PSAP: variants seen among roughly 807,000 people sequenced by gnomAD.
PSAP encodes the protein prosaposin, also known as precursor of saposins.
In PSAP, 25 loss-of-function variants were observed where a neutral mutation model predicts 66.0. The ratio of observed to expected loss-of-function variants is 0.38; its 90% confidence interval spans 0.28 to 0.53. The LOEUF is 0.53. PSAP is among the 20% of genes least tolerant of loss of function. The pLI is 0.83. For missense variants in PSAP, 649 were observed against 668.8 expected (o/e 0.97, Z 0.33); for synonymous variants, 273 against 258.9 (o/e 1.05, Z -0.52).
At chr10:71,828,779 C>T (rs111244643) in intron 5 of PSAP, 98 bp downstream of exon 5, 32 of 1,344,362 alleles carry the variant, frequency 2.4e-5, no homozygotes, top group Non-Finnish European at 3.3e-5. Context: ...CAGGGATAAG[C>T]CCCAGTTTAA....
At chr10:71,848,488 C>T (rs953800524) in intron 1 of PSAP, among the ~76,000 whole-genome samples, 13 of 152,142 alleles carry the variant, frequency 8.5e-5, no homozygotes, top group African/African-American at 3.1e-4. Flanking sequence ...AGATTACATG[C>T]TCTCCAATTC....
chr10:71,829,122 G>A (rs1842461351), intron 4 of PSAP, 45 bp from the exon 5 acceptor site: 6 of 1,569,674 alleles, frequency 3.8e-6, no homozygotes, highest in Admixed American at 1.7e-5. Context: ...TCTCCCCAGG[G>A]GAAAATAAGA....
intron 3 of PSAP, 61 bp from the exon 4 acceptor site, chr10:71,831,312 T>C: frequency 6.2e-7 from 1 of 1,600,066 alleles, no homozygotes; most frequent in Non-Finnish European, 8.5e-7. Flanking sequence ...ATAAATGGGC[T>C]GAAGGCAAGA....
chr10:71,836,251 T>G (rs1347498846), intron 1 of PSAP, among the ~76,000 whole-genome samples: 1 of 152,104 alleles, frequency 6.6e-6, no homozygotes, highest in Non-Finnish European at 1.5e-5. Flanking sequence ...ATGTGCCAGA[T>G]GCAAATCAGT....
intron 1 of PSAP, among the ~76,000 whole-genome samples, chr10:71,849,408 G>A (rs1364071453): frequency 4.6e-5 from 7 of 152,150 alleles, no homozygotes; most frequent in Non-Finnish European, 7.4e-5. Flanking sequence ...ATGGCAGCCA[G>A]CCCTTAAACT....
intron 6 of PSAP, 137 bp from the exon 7 acceptor site, chr10:71,826,030 T>G (rs1453639911): frequency 2.7e-6 from 2 of 739,676 alleles, no homozygotes; most frequent in Non-Finnish European, 4.8e-6. Flanking sequence ...ATTTTATGAA[T>G]GTCTGCTCTG....
chr10:71,826,743 G>GAAA (rs56279127), intron 6 of PSAP, among the ~76,000 whole-genome samples: 4 of 144,558 alleles, frequency 2.8e-5, no homozygotes, highest in Admixed American at 6.9e-5. Context: ...CCTGTCTCAA[G>GAAA]AAAAAAAAAA....
chr10:71,818,828 G>T (rs1842231661), intron 12 of PSAP, 104 bp from the exon 13 acceptor site: 2 of 1,083,798 alleles, frequency 1.8e-6, no homozygotes, highest in Non-Finnish European at 2.8e-6. Context: ...TAGGATCACA[G>T]CTCCACCACG....
intron 9 of PSAP, 54 bp from the exon 10 acceptor site, chr10:71,819,954 G>T: frequency 2.0e-6 from 3 of 1,482,954 alleles, no homozygotes; most frequent in Non-Finnish European, 2.8e-6. Context: ...CAAGGGTTGG[G>T]GGACATTCTG....
intron 7 of PSAP, among the ~76,000 whole-genome samples, chr10:71,822,910 A>G (rs747776245): frequency 2.0e-5 from 3 of 152,094 alleles, no homozygotes; most frequent in Non-Finnish European, 4.4e-5. Context: ...TCTGAAAAGT[A>G]TATCCCAAAT....
At chr10:71,839,578 T>C (rs1287989807) in intron 1 of PSAP, among the ~76,000 whole-genome samples, 1 of 152,160 alleles carries the variant, frequency 6.6e-6, no homozygotes. Context: ...TTCAGGGCCA[T>C]GTGCGGTGGC....
intron 7 of PSAP, among the ~76,000 whole-genome samples, chr10:71,824,496 T>C (rs1842362349): frequency 6.6e-6 from 1 of 152,266 alleles, no homozygotes; most frequent in Admixed American, 6.5e-5. Context: ...GGGATATGCA[T>C]ATATGTATGC....
In PSAP at chr10:71,828,046, ACTC is replaced by A. The variant is rs1400479293; in HGVS notation, c.685_687del (p.Glu229del). On this transcript the variant is annotated inframe_deletion, in exon 6 of 14. Coordinates refer to ENST00000394936, the MANE Select transcript of PSAP (RefSeq NM_002778.4). The stretch of plus-strand genomic sequence containing the variant: ...GCCATGCCAGGGCCCAGGCGGTCAC[ACTC>A]CTCCTTGACATGTTCCACCAAGGCC... The A allele has an allele frequency of 2.5e-6, 4 of 1,613,922 alleles. No homozygotes were observed. The highest frequency in any genetic ancestry group is 1.3e-5 in the African/African-American group (1 of 74,932).
At chr10:71,849,931 CCTAT>C (rs1186225130) in intron 1 of PSAP, among the ~76,000 whole-genome samples, 1 of 152,110 alleles carries the variant, frequency 6.6e-6, no homozygotes, top group Non-Finnish European at 1.5e-5. Context: ...TGCCCAAATT[CCTAT>C]CTAAGGGGTG....
chr10:71,835,379 A>G (rs962242426), intron 1 of PSAP, among the ~76,000 whole-genome samples: 8 of 152,140 alleles, frequency 5.3e-5, no homozygotes, highest in Non-Finnish European at 5.9e-5. Flanking sequence ...CAGGAGTTCG[A>G]GACCAGCCTG....
intron 4 of PSAP, among the ~76,000 whole-genome samples, chr10:71,830,429 A>G (rs946712477): frequency 1.3e-5 from 2 of 152,186 alleles, no homozygotes; most frequent in African/African-American, 4.8e-5. Context: ...GCTTCCCTCA[A>G]TGGGACCTAG....
chr10:71,846,224 G>C (rs561512407), intron 1 of PSAP, among the ~76,000 whole-genome samples: 7 of 152,170 alleles, frequency 4.6e-5, no homozygotes, highest in African/African-American at 1.4e-4. Context: ...CTTGCCCAAG[G>C]TCGTACGGCT....
At position 71,828,742 on chromosome 10, in the gene PSAP, T is replaced by A. The variant is rs115301170; in HGVS notation, c.576+135A>T. ...CTTCATGGTACAACCATTTAAAGGC[T>A]GGCTCATGTGACTGCAGAGTCACGC... is the stretch of plus-strand genomic sequence containing the variant. On this transcript the variant is annotated intron_variant, in intron 5 of 13. Transcript: ENST00000394936. 1.6e-4 allele frequency: 141 copies of A among 863,734 alleles called. No homozygotes were observed. The African/African-American group carries it at 2.3e-3, about 14-fold the overall frequency. 53.5% of individuals were successfully genotyped at this position (863,734 alleles called of 1,614,324 possible). A position where few individuals can be genotyped will look rare whatever the true frequency, so the allele number is the denominator to read the frequency against.
chr10:71,833,562 C>T (rs1170657389), intron 2 of PSAP, among the ~76,000 whole-genome samples: 1 of 152,212 alleles, frequency 6.6e-6, no homozygotes, highest in Non-Finnish European at 1.5e-5. Flanking sequence ...ACTGAAGGAG[C>T]AGTAGTGGCC....
Sources: gnomAD v4.1 joint callset for allele counts (sites outside exome capture counted in the v4.1 genomes callset) on GRCh38, gnomAD v4.1.1 for gene constraint, MANE v1.5 for transcripts, NCBI Gene and HGNC (gene_info 2026-07-23, HGNC 2026-07-21) for gene names.